TSHZ2: variants seen among roughly 807,000 people sequenced by gnomAD.
The protein encoded by TSHZ2 is teashirt homolog 2.
In TSHZ2, 21 loss-of-function variants were observed where a neutral mutation model predicts 74.4. The observed-to-expected ratio is 0.28, with a 90% CI of 0.20 to 0.41. The LOEUF (loss-of-function observed/expected upper bound fraction) is 0.41. Ranked by LOEUF, TSHZ2 falls within the 10% of genes least tolerant of loss-of-function variation. The probability of loss-of-function intolerance (pLI) is 1.00; values close to 1 mark genes in which losing one functional copy is unlikely to be tolerated. For synonymous variants in TSHZ2, 540 were observed against 515.3 expected (o/e 1.05, Z -0.65); for missense variants, 1,244 against 1,293.5 (o/e 0.96, Z 0.59).
At chr20:53,083,594 G>T (rs16997489) in intron 1 of TSHZ2, among the ~76,000 whole-genome samples, 1 of 152,174 alleles carries the variant, frequency 6.6e-6, no homozygotes, top group Non-Finnish European at 1.5e-5. Context: ...TTCAAATCCT[G>T]TTTCTGTTTA....
chr20:53,020,840 T>C (rs921822622), intron 1 of TSHZ2, among the ~76,000 whole-genome samples: 2 of 152,144 alleles, frequency 1.3e-5, no homozygotes, highest in African/African-American at 4.8e-5. Flanking sequence ...TCCACAGTCT[T>C]CCAATTAAGA....
intron 1 of TSHZ2, among the ~76,000 whole-genome samples, chr20:53,167,095 G>T (rs560419843): frequency 6.6e-6 from 1 of 152,272 alleles, no homozygotes; most frequent in East Asian, 1.9e-4. Context: ...CAGGTACAAA[G>T]GTCCTGGGGT....
At chr20:53,384,757 G>A (rs1441209904) in intron 2 of TSHZ2, among the ~76,000 whole-genome samples, 1 of 152,176 alleles carries the variant, frequency 6.6e-6, no homozygotes, top group East Asian at 1.9e-4. Context: ...ATCCTCAGTG[G>A]TTTTTTTAGA....
intron 1 of TSHZ2, among the ~76,000 whole-genome samples, chr20:53,050,128 CATATATATATGTGT>C (rs1984391847): frequency 1.3e-5 from 1 of 74,136 alleles, no homozygotes; most frequent in African/African-American, 1.3e-4. Flanking sequence ...TATATATACA[CATATATATATGTGT>C]ATATATATAT....
rs111309337 is a variant in TSHZ2 at position 53,393,488 on chromosome 20, T to C, written c.*9-93656T>C. On this transcript the variant is annotated intron_variant, in intron 2 of 2. Transcript: ENST00000371497. Reference sequence around the variant, plus strand: ...CTGACTTTCCAGATTGATGGGAAGATTAAATGAAGTAATGCACATAAAACA... The same window carrying C: ...CTGACTTTCCAGATTGATGGGAAGACTAAATGAAGTAATGCACATAAAACA... 2.8e-3 allele frequency among the ~76,000 whole-genome samples: 419 copies of C among 152,326 alleles called. 1 individual carries two copies. Among genetic ancestry groups the C allele is most frequent in the Non-Finnish European group, 4.7e-3 (322 of 68,032 alleles).
intron 1 of TSHZ2, among the ~76,000 whole-genome samples, chr20:53,210,721 TG>T (rs202176609): frequency 3.3e-5 from 5 of 151,974 alleles, no homozygotes; most frequent in Admixed American, 2.0e-4. Flanking sequence ...TCAGGCTTGA[TG>T]GGGGGGCTCT....
intron 1 of TSHZ2, among the ~76,000 whole-genome samples, chr20:53,163,623 C>A (rs1159757870): frequency 6.6e-6 from 1 of 151,910 alleles, no homozygotes; most frequent in Non-Finnish European, 1.5e-5. Flanking sequence ...GGGGGACAGC[C>A]AGTAGCTGTG....
At position 53,187,995 on chromosome 20, in the gene TSHZ2, C is replaced by T. The variant is rs144475390; in HGVS notation, c.41-65504C>T. Among the ~76,000 whole-genome samples, 375 of 152,202 alleles carry T rather than the reference C, an allele frequency of 2.5e-3. 1 individual carries two copies. Among genetic ancestry groups the T allele is most frequent in the Non-Finnish European group, 4.0e-3 (275 of 68,004 alleles). ...CATTAGAACCCTCAGAAATGTGGCA[C>T]GAAGCAAGTCTGGAAGACTTTCTGT... On this transcript the variant is annotated intron_variant, in intron 1 of 2. Transcript: ENST00000371497.
At chr20:52,994,818 G>T (rs1052758846) in intron 1 of TSHZ2, among the ~76,000 whole-genome samples, 3 of 152,022 alleles carry the variant, frequency 2.0e-5, no homozygotes, top group Non-Finnish European at 2.9e-5. Flanking sequence ...CCTCTGTTTT[G>T]CTCCTGGAAA....
chr20:53,215,016 C>T (rs1426514042), intron 1 of TSHZ2, among the ~76,000 whole-genome samples: 2 of 152,100 alleles, frequency 1.3e-5, no homozygotes, highest in Non-Finnish European at 2.9e-5. Context: ...ATCCAATGGA[C>T]ACTGAGATCG....
intron 2 of TSHZ2, among the ~76,000 whole-genome samples, chr20:53,315,078 A>G (rs908566083): frequency 1.3e-5 from 2 of 152,260 alleles, no homozygotes; most frequent in African/African-American, 4.8e-5. Flanking sequence ...AAGGAGATGC[A>G]GACCCTACTT....
At chr20:53,228,103 A>AAC (rs10561638) in intron 1 of TSHZ2, among the ~76,000 whole-genome samples, 11,941 of 134,350 alleles carry the variant, frequency 0.089, 544 homozygotes, top group Middle Eastern at 0.12. Flanking sequence ...TGGCCCCCAA[A>AAC]ACACACACAC....
intron 1 of TSHZ2, among the ~76,000 whole-genome samples, chr20:53,159,300 C>A (rs1210841100): frequency 6.6e-6 from 1 of 152,192 alleles, no homozygotes; most frequent in Admixed American, 6.5e-5. Flanking sequence ...AAGTACAGCT[C>A]ATGGGCCAAG....
intron 1 of TSHZ2, among the ~76,000 whole-genome samples, chr20:53,193,278 T>G (rs1453531094): frequency 6.6e-6 from 1 of 152,192 alleles, no homozygotes; most frequent in Non-Finnish European, 1.5e-5. Flanking sequence ...AGAAAATGTT[T>G]CCAGTCTTCT....
At chr20:53,468,200 A>AGATTGACATACCTTT (rs1985618806) in intron 2 of TSHZ2, among the ~76,000 whole-genome samples, 1 of 152,136 alleles carries the variant, frequency 6.6e-6, no homozygotes, top group Non-Finnish European at 1.5e-5. Context: ...ATTTTTATTT[A>AGATTGACATACCTTT]GATTGACATA....
At chr20:53,050,669 T>A (rs778839689) in intron 1 of TSHZ2, among the ~76,000 whole-genome samples, 8 of 152,156 alleles carry the variant, frequency 5.3e-5, no homozygotes, top group Admixed American at 1.3e-4. Flanking sequence ...AGGGGTTGTC[T>A]AGGAAGGGTC....
At chr20:53,267,848 A>AT (rs1990751328) in intron 2 of TSHZ2, among the ~76,000 whole-genome samples, 1 of 152,200 alleles carries the variant, frequency 6.6e-6, no homozygotes. Flanking sequence ...TCTTGCAACA[A>AT]CTTTTTGAAA....
At chr20:53,320,981 A>T (rs1484391902) in intron 2 of TSHZ2, among the ~76,000 whole-genome samples, 1 of 152,232 alleles carries the variant, frequency 6.6e-6, no homozygotes, top group African/African-American at 2.4e-5. Flanking sequence ...TTAGAAACAT[A>T]AGTCCCAGTA....
intron 1 of TSHZ2, among the ~76,000 whole-genome samples, chr20:53,227,306 G>A (rs1989707019): frequency 6.6e-6 from 1 of 151,900 alleles, no homozygotes; most frequent in East Asian, 1.9e-4. Context: ...ATTATATTTT[G>A]TATAAACATA....
Sources: allele counts gnomAD v4.1 joint callset (sites outside exome capture counted in the v4.1 genomes callset), GRCh38; gene constraint gnomAD v4.1.1; transcripts MANE v1.5; gene names NCBI Gene and HGNC (gene_info 2026-07-23, HGNC 2026-07-21).